The following SLC25A21 variants were observed in gnomAD, a reference collection of about 807,000 sequenced individuals.
The protein encoded by SLC25A21 is solute carrier family 25 member 21, also known as mitochondrial 2-oxodicarboxylate carrier.
A neutral mutation model predicts 43.8 loss-of-function variants in SLC25A21; 47 were observed. The ratio of observed to expected loss-of-function variants is 1.07; its 90% CI spans 0.85 to 1.37. The LOEUF (loss-of-function observed/expected upper bound fraction) is 1.37. Among genes scored for constraint, SLC25A21 ranks in the 40% most tolerant of loss-of-function variants. SLC25A21 has a pLI of 0.00. For synonymous variants in SLC25A21, 131 were observed against 121.3 expected, an observed-to-expected ratio of 1.08 and a Z score of -0.52; for missense variants, 352 against 350.2, an observed-to-expected ratio of 1.00 and a Z score of -0.04.
At chr14:36,706,556 A>ACTC (rs140707020) in intron 7 of SLC25A21, among the ~76,000 whole-genome samples, 3,196 of 152,208 alleles carry the variant, frequency 0.021, 92 homozygotes, top group African/African-American at 0.066. Context: ...ATGCAGTTAG[A>ACTC]CTCAGAGTTT....
At chr14:36,803,363 A>C (rs908488290) in intron 3 of SLC25A21, among the ~76,000 whole-genome samples, 17 of 152,188 alleles carry the variant, frequency 1.1e-4, no homozygotes, top group Non-Finnish European at 1.0e-4. Context: ...CATTCTTTTA[A>C]TTTTGATTCC....
At chr14:36,754,026 T>C (rs1236971103) in intron 3 of SLC25A21, among the ~76,000 whole-genome samples, 1 of 152,080 alleles carries the variant, frequency 6.6e-6, no homozygotes, top group South Asian at 2.1e-4. Flanking sequence ...CCCAGATCCA[T>C]TTTTTGGAAA....
rs74700730 is a variant in SLC25A21 at position 36,821,799 on chromosome 14, A to T, written c.120-7798T>A. Among the ~76,000 whole-genome samples the T allele has an allele frequency of 9.8e-5, 15 of 152,354 alleles. No individual in the cohort carries two copies. The East Asian group carries it at 2.9e-3, about 29-fold the overall frequency. On this transcript the variant is annotated intron_variant, in intron 2 of 9. Transcript: ENST00000331299. ...GCCACTGCACTCCAGCCTGGACGAC[A>T]GTGCGAGATTCTGTCTCAAAAACAA...
At chr14:37,101,474 T>C (rs974643253) in intron 1 of SLC25A21, among the ~76,000 whole-genome samples, 2 of 152,186 alleles carry the variant, frequency 1.3e-5, no homozygotes, top group Admixed American at 6.5e-5. Context: ...TGCCAACCTA[T>C]GCTTTAAAAA....
At chr14:36,732,501 G>T (rs929674363) in intron 4 of SLC25A21, among the ~76,000 whole-genome samples, 1 of 152,022 alleles carries the variant, frequency 6.6e-6, no homozygotes, top group Non-Finnish European at 1.5e-5. Context: ...TGTGAAAGGA[G>T]AAATTTCATT....
At chr14:37,079,391 T>C (rs1170381807) in intron 1 of SLC25A21, among the ~76,000 whole-genome samples, 1 of 152,220 alleles carries the variant, frequency 6.6e-6, no homozygotes, top group Non-Finnish European at 1.5e-5. Context: ...TCTACCCATG[T>C]AGCTCAAATC....
At chr14:36,776,029 A>C (rs1306241354) in intron 3 of SLC25A21, among the ~76,000 whole-genome samples, 1 of 151,886 alleles carries the variant, frequency 6.6e-6, no homozygotes, top group Non-Finnish European at 1.5e-5. Flanking sequence ...TTGGTTCAAT[A>C]ATACCTGCTT....
chr14:36,681,705 G>A (rs1882271635), intron 9 of SLC25A21, among the ~76,000 whole-genome samples: 1 of 151,930 alleles, frequency 6.6e-6, no homozygotes, highest in Admixed American at 6.6e-5. Context: ...CTTGATTTGG[G>A]TCTTAGTTAT....
chr14:36,761,494 G>A (rs1444211477), intron 3 of SLC25A21, among the ~76,000 whole-genome samples: 1 of 152,204 alleles, frequency 6.6e-6, no homozygotes, highest in Non-Finnish European at 1.5e-5. Flanking sequence ...ATTTAAAAAT[G>A]ATTTGCAACA....
At chr14:37,140,835 T>C (rs1239950306) in intron 1 of SLC25A21, among the ~76,000 whole-genome samples, 1 of 88,504 alleles carries the variant, frequency 1.1e-5, no homozygotes, top group Non-Finnish European at 2.7e-5. Flanking sequence ...GTGGTACCAT[T>C]TTTTTTTTTA....
chr14:36,773,562 T>C (rs141247827), intron 3 of SLC25A21, among the ~76,000 whole-genome samples: 120 of 152,328 alleles, frequency 7.9e-4, no homozygotes, highest in African/African-American at 2.7e-3. Flanking sequence ...GAAAAACAAA[T>C]GATCCTTGTC....
At chr14:36,816,427 AG>A (rs1317953836) in intron 2 of SLC25A21, among the ~76,000 whole-genome samples, 2 of 152,038 alleles carry the variant, frequency 1.3e-5, no homozygotes, top group East Asian at 3.9e-4. Flanking sequence ...ATACAACGAA[AG>A]GGGCAAGCTT....
At chr14:36,711,211 A>C in intron 7 of SLC25A21, 107 bp downstream of exon 7, 4 of 945,162 alleles carry the variant, frequency 4.2e-6, no homozygotes, top group Non-Finnish European at 4.8e-6. Flanking sequence ...TAGATAATAG[A>C]TGTAGGTGTC....
intron 1 of SLC25A21, among the ~76,000 whole-genome samples, chr14:36,948,303 T>C (rs1046576183): frequency 2.0e-5 from 3 of 152,304 alleles, no homozygotes; most frequent in Admixed American, 6.5e-5. Context: ...TCTTAGTTGG[T>C]ATATAGCTTT....
At chr14:36,738,756 GTTTGAT>G (rs1293942881) in intron 3 of SLC25A21, among the ~76,000 whole-genome samples, 1 of 152,158 alleles carries the variant, frequency 6.6e-6, no homozygotes, top group Non-Finnish European at 1.5e-5. Flanking sequence ...AAAGGTGTGA[GTTTGAT>G]TTTAACTGTC....
chr14:37,144,920 GGGT>G (rs146376904), intron 1 of SLC25A21, among the ~76,000 whole-genome samples: 2,056 of 115,922 alleles, frequency 0.018, 23 homozygotes, highest in South Asian at 0.047. Flanking sequence ...CGCCCAGCCT[GGGT>G]GGTTGTTGTT....
intron 3 of SLC25A21, among the ~76,000 whole-genome samples, chr14:36,809,535 A>C (rs144477668): frequency 9.9e-5 from 15 of 152,254 alleles, no homozygotes; most frequent in African/African-American, 2.9e-4. Flanking sequence ...AAAATGTTAG[A>C]AACAGTAAAG....
At chr14:36,961,201 C>T (rs1055243716) in intron 1 of SLC25A21, among the ~76,000 whole-genome samples, 5 of 148,790 alleles carry the variant, frequency 3.4e-5, no homozygotes, top group South Asian at 2.2e-4. Context: ...GCCTTCCGCA[C>T]GTGTTTTCGT....
intron 1 of SLC25A21, among the ~76,000 whole-genome samples, chr14:36,979,814 C>T (rs1212466787): frequency 6.6e-6 from 1 of 152,162 alleles, no homozygotes; most frequent in African/African-American, 2.4e-5. Flanking sequence ...ATCTTTGTTT[C>T]TGACTTTCTA....
Sources: allele counts gnomAD v4.1 joint callset (sites outside exome capture counted in the v4.1 genomes callset), GRCh38; gene constraint gnomAD v4.1.1; transcripts MANE v1.5; gene names NCBI Gene and HGNC (gene_info 2026-07-23, HGNC 2026-07-21).